The following NEBL variants were observed in gnomAD, a reference collection of about 807,000 sequenced individuals.
NEBL encodes LIM and SH3 protein 2.
Under a neutral mutation model 140.2 loss-of-function variants are expected in NEBL, and 122 were observed. The observed-to-expected ratio is 0.87, with a 90% CI of 0.75 to 1.01. The LOEUF is 1.01. Ranked by LOEUF, NEBL falls within the 50% of genes least tolerant of loss-of-function variation. The pLI, the probability that NEBL is intolerant of heterozygous loss-of-function variation, is 0.00. For synonymous variants in NEBL, 436 were observed against 398.9 expected (o/e 1.09, Z -1.11); for missense variants, 1,365 against 1,231.3 (o/e 1.11, Z -1.62).
intron 3 of NEBL, among the ~76,000 whole-genome samples, chr10:21,196,209 G>A (rs1212385072): frequency 1.3e-5 from 2 of 151,892 alleles, no homozygotes; most frequent in South Asian, 4.2e-4. Context: ...TCACCATGTT[G>A]GTCAGGCTGG....
At chr10:21,031,703 T>C (rs1423149751) in intron 2 of NEBL, among the ~76,000 whole-genome samples, 1 of 152,174 alleles carries the variant, frequency 6.6e-6, no homozygotes, top group East Asian at 1.9e-4. Context: ...CCTGGGCAGT[T>C]TCTCCTTCTA....
At chr10:21,133,052 T>A (rs1177976850) in intron 2 of NEBL, among the ~76,000 whole-genome samples, 2 of 152,230 alleles carry the variant, frequency 1.3e-5, no homozygotes, top group Non-Finnish European at 2.9e-5. Context: ...CACTGCCTAA[T>A]CCAAAGTCAC....
rs1373986579 is a variant in NEBL, at chr10:20,858,317, T to C, written c.826A>G (p.Met276Val). 1.9e-6 allele frequency: 3 copies of C among 1,608,110 alleles called. No individual in the cohort carries two copies. The highest frequency in any genetic ancestry group is 2.6e-6 in the Non-Finnish European group (3 of 1,174,502). ...NVKYKKDIQN[M>V]HDPVSDLPNL... ...GGGAGATCTGAAACTGGATCATGCA[T>C]ATTTTGAATGTCTTTCTTGTACTTC... Residue 276 changes from methionine to valine, a missense_variant, in exon 9 of 28, where the codon ATG becomes GTG. Met to Val is a conservative substitution (Grantham distance 21). Coordinates refer to ENST00000377122, the MANE Select transcript of NEBL (RefSeq NM_006393.3).
intron 4 of NEBL, among the ~76,000 whole-genome samples, chr10:20,961,292 TA>T (rs1836039321): frequency 6.6e-6 from 1 of 152,202 alleles, no homozygotes; most frequent in African/African-American, 2.4e-5. Context: ...TGAAATCTTA[TA>T]GACACCTAGT....
chr10:21,088,532 T>A (rs901439753), intron 2 of NEBL, among the ~76,000 whole-genome samples: 2 of 152,188 alleles, frequency 1.3e-5, no homozygotes, highest in African/African-American at 4.8e-5. Context: ...CACATCACTC[T>A]GACCTTCTTT....
At chr10:20,866,258 AC>A in intron 7 of NEBL, among the ~76,000 whole-genome samples, 1 of 152,016 alleles carries the variant, frequency 6.6e-6, no homozygotes, top group Non-Finnish European at 1.5e-5. Context: ...ATAGAGTTTC[AC>A]TTTTACAGGA....
rs1310174935 is a variant in NEBL, at chr10:20,782,097, C to T, written c.*3650G>A. 8 of 152,480 alleles carry T rather than the reference C, an allele frequency of 5.2e-5. No homozygotes were observed. Among genetic ancestry groups the T allele is most frequent in the African/African-American group, 9.7e-5 (4 of 41,390 alleles). 9.4% of individuals were successfully genotyped at this position (152,480 alleles called of 1,614,324 possible). Reference sequence around the variant, plus strand: ...CCTTTCAGAAATAGATGGAAGAAGTCGGCATTTTCTAAAGTTCTAAATCTT... The same window carrying T: ...CCTTTCAGAAATAGATGGAAGAAGTTGGCATTTTCTAAAGTTCTAAATCTT... On this transcript the variant is annotated 3_prime_UTR_variant, in exon 28 of 28. Coordinates refer to ENST00000377122, the MANE Select transcript of NEBL (RefSeq NM_006393.3).
At position 20,781,831 on chromosome 10, in the gene NEBL, A is replaced by G. The variant is rs1240027543; in HGVS notation, c.*3916T>C. The G allele has an allele frequency of 6.6e-6, 1 of 152,632 alleles. No homozygotes were observed. Among genetic ancestry groups the G allele is most frequent in the Non-Finnish European group, 1.5e-5 (1 of 68,026 alleles). 9.5% of individuals were successfully genotyped at this position (152,632 alleles called of 1,614,324 possible). A position where few individuals can be genotyped will look rare whatever the true frequency, so the allele number is the denominator to read the frequency against. ...TATTTTAGCATCCTTGTCAGTTTACATAGCTTCTTACTTAACTAAAAGCTC... is the reference window on the plus strand; with the variant it reads ...TATTTTAGCATCCTTGTCAGTTTACGTAGCTTCTTACTTAACTAAAAGCTC... On this transcript the variant is annotated 3_prime_UTR_variant, in exon 28 of 28. Coordinates refer to ENST00000377122, the MANE Select transcript of NEBL (RefSeq NM_006393.3).
chr10:21,286,695 G>A (rs568886543), intron 1 of NEBL, among the ~76,000 whole-genome samples: 11 of 152,294 alleles, frequency 7.2e-5, no homozygotes, highest in Non-Finnish European at 1.2e-4. Context: ...TTAGCCAGGC[G>A]TGGTGGTGGG....
At position 21,109,270 on chromosome 10, in the gene NEBL, T is replaced by C. The variant is rs1278694632; in HGVS notation, c.164+63113A>G. Among the ~76,000 whole-genome samples the C allele has an allele frequency of 2.6e-5, 4 of 152,310 alleles. No individual in the cohort carries two copies. In the East Asian group the frequency reaches 7.7e-4, roughly 29 times the overall value. On this transcript the variant is annotated intron_variant, in intron 2 of 6. Transcript: ENST00000417816. The stretch of plus-strand genomic sequence containing the variant: ...TACTGAGAGAATCATGTGGTTTTTG[T>C]CATTGGTTCTGTTTATGTGATGGAT...
At chr10:20,927,482 T>C (rs574518443) in intron 4 of NEBL, among the ~76,000 whole-genome samples, 1 of 152,318 alleles carries the variant, frequency 6.6e-6, no homozygotes. Flanking sequence ...TGTTAGCCTA[T>C]GAGCTTAAGG....
chr10:21,115,479 C>A (rs1305664805), intron 2 of NEBL, among the ~76,000 whole-genome samples: 1 of 151,652 alleles, frequency 6.6e-6, no homozygotes, highest in African/African-American at 2.4e-5. Context: ...CTGGGAAGGT[C>A]TTTATTTCAT....
intron 26 of NEBL, among the ~76,000 whole-genome samples, chr10:20,802,769 T>C (rs1303937080): frequency 2.0e-5 from 3 of 152,142 alleles, no homozygotes; most frequent in South Asian, 2.1e-4. Context: ...GAACGAAAAC[T>C]GTGACTCTCA....
intron 13 of NEBL, among the ~76,000 whole-genome samples, chr10:20,840,047 G>T (rs1360655180): frequency 6.6e-6 from 1 of 152,116 alleles, no homozygotes; most frequent in Non-Finnish European, 1.5e-5. Flanking sequence ...GCCTACCCTA[G>T]TTTGAGTTGG....
intron 2 of NEBL, among the ~76,000 whole-genome samples, chr10:21,034,424 C>T (rs1311710169): frequency 6.6e-6 from 1 of 152,178 alleles, no homozygotes; most frequent in Non-Finnish European, 1.5e-5. Flanking sequence ...ACACCACTCT[C>T]AGCAGAGTCC....
At chr10:21,230,248 T>C (rs1032891618) in intron 3 of NEBL, among the ~76,000 whole-genome samples, 1 of 152,192 alleles carries the variant, frequency 6.6e-6, no homozygotes, top group Non-Finnish European at 1.5e-5. Context: ...TGAATCTCCC[T>C]TCTGATCTTC....
rs146119205 is a variant in NEBL, at chr10:20,807,967, T to C, written c.2761+543A>G. Reference sequence around the variant, plus strand: ...TAGTGACAAGATTATTAACAATCAATAGTATTTCTCATTTAAAAAAAAAAA... The same window carrying C: ...TAGTGACAAGATTATTAACAATCAACAGTATTTCTCATTTAAAAAAAAAAA... On this transcript the variant is annotated intron_variant, in intron 26 of 27. Transcript: ENST00000377122. Among the ~76,000 whole-genome samples the C allele has an allele frequency of 3.1e-3, 461 of 149,650 alleles. 10 individuals carry two copies. The East Asian group carries it at 0.078, about 25-fold the overall frequency.
At chr10:21,169,026 G>C (rs1321996273) in intron 2 of NEBL, among the ~76,000 whole-genome samples, 1 of 121,834 alleles carries the variant, frequency 8.2e-6, no homozygotes, top group Non-Finnish European at 1.6e-5. Flanking sequence ...TCCAGCCTGC[G>C]CTACAGAGTG....
intron 21 of NEBL, among the ~76,000 whole-genome samples, chr10:20,816,612 A>T (rs1838744675): frequency 6.6e-6 from 1 of 152,192 alleles, no homozygotes; most frequent in Non-Finnish European, 1.5e-5. Context: ...TGGTAAAATG[A>T]CTTTAAAGGT....
Sources: allele counts gnomAD v4.1 joint callset (sites outside exome capture counted in the v4.1 genomes callset), GRCh38; gene constraint gnomAD v4.1.1; transcripts MANE v1.5; gene names NCBI Gene and HGNC (gene_info 2026-07-23, HGNC 2026-07-21).